Variants in NRXN3 observed in about 807,000 individuals in gnomAD.
NRXN3 encodes the protein neurexin 3.
Under a neutral mutation model 137.6 loss-of-function variants are expected in NRXN3, and 32 were observed. The ratio of observed to expected loss-of-function variants is 0.23; its 90% confidence interval spans 0.18 to 0.31. NRXN3 has a LOEUF of 0.31. Ranked by LOEUF, NRXN3 falls within the 10% of genes least tolerant of loss-of-function variation. The pLI, the probability that NRXN3 is intolerant of heterozygous loss-of-function variation, is 1.00. For missense variants in NRXN3, 1,574 were observed against 2,062.5 expected, an observed-to-expected ratio of 0.76 and a Z score of 4.59; for synonymous variants, 798 against 784.5, an observed-to-expected ratio of 1.02 and a Z score of -0.29.
chr14:79,423,401 T>G (rs1398044549), intron 15 of NRXN3, among the ~76,000 whole-genome samples: 1 of 152,208 alleles, frequency 6.6e-6, no homozygotes, highest in East Asian at 1.9e-4. Context: ...ATCTGATCAC[T>G]GCTTTGCTAA....
At chr14:78,424,830 C>A (rs781765430) in intron 4 of NRXN3, among the ~76,000 whole-genome samples, 6 of 152,162 alleles carry the variant, frequency 3.9e-5, no homozygotes, top group Non-Finnish European at 5.9e-5. Flanking sequence ...CATGGAGAAA[C>A]TGAGGCACAG....
chr14:78,944,287 C>A (rs2152924602), intron 10 of NRXN3, among the ~76,000 whole-genome samples: 1 of 152,262 alleles, frequency 6.6e-6, no homozygotes, highest in East Asian at 1.9e-4. Flanking sequence ...GGAGTCAGAT[C>A]TGGGTTGTAC....
intron 2 of NRXN3, among the ~76,000 whole-genome samples, chr14:78,253,795 C>T (rs1470216823): frequency 1.6e-5 from 2 of 125,906 alleles, no homozygotes; most frequent in Non-Finnish European, 3.3e-5. Context: ...CCTCCCCGTG[C>T]CCCGCCCCCC....
At chr14:79,729,358 A>C (rs996167373) in intron 19 of NRXN3, among the ~76,000 whole-genome samples, 2 of 152,336 alleles carry the variant, frequency 1.3e-5, no homozygotes, top group East Asian at 3.9e-4. Context: ...GGAGAAAAAG[A>C]AAAGCATGCC....
chr14:78,788,802 A>C (rs2153046047), intron 8 of NRXN3, among the ~76,000 whole-genome samples: 1 of 152,214 alleles, frequency 6.6e-6, no homozygotes, highest in Middle Eastern at 3.4e-3. Context: ...TGGTTTCCTG[A>C]CTGATTCGGT....
chr14:79,589,286 T>C (rs2097784406), intron 16 of NRXN3, among the ~76,000 whole-genome samples: 1 of 152,034 alleles, frequency 6.6e-6, no homozygotes, highest in South Asian at 2.1e-4. Context: ...GTTAAATCAT[T>C]ATTGACTAGA....
Position 78,243,874 on chromosome 14 carries a change from C to G in NRXN3, c.709+72C>G, listed in dbSNP as rs1329386607. The G allele has an allele frequency of 3.5e-6, 4 of 1,142,744 alleles. No homozygotes were observed. Among genetic ancestry groups the G allele is most frequent in the Non-Finnish European group, 5.0e-6 (4 of 804,574 alleles). The allele number at this position is 1,142,744 out of a possible 1,614,324, so 70.8% of individuals were successfully genotyped here. ...TGAGGCTGGGGCTCCTGATACAAAC[C>G]AGTTCTATATGGATGCATATCTTTA... On this transcript the variant is annotated intron_variant, in intron 2 of 20. Coordinates refer to ENST00000335750, the MANE Select transcript of NRXN3 (RefSeq NM_001330195.2). This position sits in a 1 kb window ranked among gnomAD's most constrained non-coding sequence, Gnocchi z 4.2.
intron 15 of NRXN3, among the ~76,000 whole-genome samples, chr14:79,225,093 A>G (rs542450301): frequency 2.6e-5 from 4 of 152,278 alleles, no homozygotes; most frequent in South Asian, 4.1e-4. Context: ...TTTGGAAGCC[A>G]GATATGGAGG....
chr14:79,297,011 C>CT (rs2084288418), intron 15 of NRXN3, among the ~76,000 whole-genome samples: 1 of 152,212 alleles, frequency 6.6e-6, no homozygotes, highest in South Asian at 2.1e-4. Context: ...ATATTCACCA[C>CT]TACAGACTTG....
intron 4 of NRXN3, among the ~76,000 whole-genome samples, chr14:78,592,759 T>C (rs545290791): frequency 1.3e-5 from 2 of 152,204 alleles, no homozygotes; most frequent in African/African-American, 2.4e-5. Flanking sequence ...CTGATGGATG[T>C]GTTTATGATA....
At chr14:79,560,294 T>G (rs2097478994) in intron 16 of NRXN3, among the ~76,000 whole-genome samples, 1 of 151,906 alleles carries the variant, frequency 6.6e-6, no homozygotes, top group South Asian at 2.1e-4. Flanking sequence ...TTATGGATAG[T>G]TTTTAGAGTT....
intron 1 of NRXN3, among the ~76,000 whole-genome samples, chr14:78,191,746 G>A (rs1177640275): frequency 6.6e-6 from 1 of 152,142 alleles, no homozygotes; most frequent in Non-Finnish European, 1.5e-5. Context: ...TGGAAATGAT[G>A]GGGGAACCAA....
At chr14:79,611,025 T>A (rs572701097) in intron 16 of NRXN3, among the ~76,000 whole-genome samples, 73 of 152,254 alleles carry the variant, frequency 4.8e-4, no homozygotes, top group Non-Finnish European at 7.9e-4. Flanking sequence ...TTTGTTGGAT[T>A]GCTGCTGCTG....
At chr14:78,733,958 T>C (rs111682636) in intron 8 of NRXN3, among the ~76,000 whole-genome samples, 1 of 152,190 alleles carries the variant, frequency 6.6e-6, no homozygotes, top group Non-Finnish European at 1.5e-5. Context: ...ACAAAGACCC[T>C]GCTCTTACTG....
At chr14:78,711,157 G>A (rs970691822) in intron 7 of NRXN3, among the ~76,000 whole-genome samples, 3 of 152,122 alleles carry the variant, frequency 2.0e-5, no homozygotes, top group East Asian at 1.9e-4. Context: ...TCTGAGGTTA[G>A]GTCACGGTGG....
intron 16 of NRXN3, among the ~76,000 whole-genome samples, chr14:79,495,104 A>T (rs2096753472): frequency 6.6e-6 from 1 of 152,154 alleles, no homozygotes. Flanking sequence ...TCATTATTTT[A>T]AAAATCTGCA....
intron 2 of NRXN3, among the ~76,000 whole-genome samples, chr14:78,271,976 C>T (rs931661746): frequency 1.3e-5 from 2 of 152,284 alleles, no homozygotes; most frequent in South Asian, 2.1e-4. Context: ...TAGTTCTTAA[C>T]TGAAAAAATT....
chr14:78,933,494 C>T (rs74719881), intron 10 of NRXN3, among the ~76,000 whole-genome samples: 4,154 of 152,308 alleles, frequency 0.027, 80 homozygotes, highest in Non-Finnish European at 0.041. Context: ...TGGGGGTTCT[C>T]TGCAACTGTT....
At chr14:79,793,742 T>A (rs1396632433) in intron 19 of NRXN3, among the ~76,000 whole-genome samples, 1 of 152,270 alleles carries the variant, frequency 6.6e-6, no homozygotes, top group African/African-American at 2.4e-5. Flanking sequence ...TTGAATGACA[T>A]TTAAGTAAAT....
Sources: gnomAD v4.1 joint callset for allele counts (sites outside exome capture counted in the v4.1 genomes callset) on GRCh38, gnomAD v4.1.1 for gene constraint, Gnocchi (gnomAD v3.1) non-coding constraint, MANE v1.5 for transcripts, NCBI Gene and HGNC (gene_info 2026-07-23, HGNC 2026-07-21) for gene names.